The following SNAP91 variants were observed in gnomAD, a reference collection of about 807,000 sequenced individuals.
SNAP91 encodes clathrin coat assembly protein AP180.
A neutral mutation model predicts 100.3 loss-of-function variants in SNAP91; 27 were observed. That is an observed-to-expected ratio of 0.27 (90% CI 0.20 to 0.37). The LOEUF is 0.37. SNAP91 is among the 10% of genes least tolerant of loss of function. The pLI is 1.00. For missense variants in SNAP91, 986 were observed against 1,123.7 expected, an observed-to-expected ratio of 0.88 and a Z score of 1.75; for synonymous variants, 404 against 398.6, an observed-to-expected ratio of 1.01 and a Z score of -0.16.
intron 26 of SNAP91, among the ~76,000 whole-genome samples, chr6:83,573,692 G>C (rs1192246526): frequency 1.3e-5 from 2 of 152,144 alleles, no homozygotes; most frequent in Admixed American, 6.5e-5. Flanking sequence ...ACAAAAACAA[G>C]AAATGGGGAA....
intron 7 of SNAP91, among the ~76,000 whole-genome samples, chr6:83,646,945 C>G (rs2097943452): frequency 6.6e-6 from 1 of 152,122 alleles, no homozygotes; most frequent in Non-Finnish European, 1.5e-5. Context: ...TTAGGGAGTG[C>G]TGATGTTAAT....
chr6:83,555,354 T>C (rs1005525210), intron 29 of SNAP91, among the ~76,000 whole-genome samples: 5 of 152,206 alleles, frequency 3.3e-5, no homozygotes, highest in African/African-American at 9.6e-5. Context: ...ACTGAGCCTC[T>C]TACAATTCTT....
At chr6:83,670,361 T>C (rs577312959) in intron 2 of SNAP91, among the ~76,000 whole-genome samples, 4 of 151,956 alleles carry the variant, frequency 2.6e-5, no homozygotes, top group Admixed American at 2.6e-4. Context: ...TTTTCATTTG[T>C]TTATTTGCCA....
At chr6:83,637,949 A>G (rs1415189798) in intron 8 of SNAP91, among the ~76,000 whole-genome samples, 1 of 152,130 alleles carries the variant, frequency 6.6e-6, no homozygotes, top group African/African-American at 2.4e-5. Context: ...GACTGCTTCC[A>G]GGCCACCAGC....
intron 26 of SNAP91, among the ~76,000 whole-genome samples, chr6:83,571,850 G>A (rs1808378689): frequency 1.3e-5 from 2 of 152,300 alleles, no homozygotes; most frequent in African/African-American, 4.8e-5. Context: ...GTTGTGGGAA[G>A]GATGCAATGG....
chr6:83,670,514 A>G (rs1241704937), intron 2 of SNAP91, among the ~76,000 whole-genome samples: 1 of 151,794 alleles, frequency 6.6e-6, no homozygotes, highest in Non-Finnish European at 1.5e-5. Flanking sequence ...AGTGTCTTTG[A>G]AAGAACAGAA....
intron 8 of SNAP91, among the ~76,000 whole-genome samples, chr6:83,626,910 A>C (rs879638996): frequency 3.9e-5 from 6 of 151,970 alleles, no homozygotes; most frequent in Non-Finnish European, 7.4e-5. Flanking sequence ...TAGTGGTGAA[A>C]GTGGGCATCA....
At chr6:83,702,629 A>G (rs1186896817) in intron 2 of SNAP91, among the ~76,000 whole-genome samples, 1 of 152,134 alleles carries the variant, frequency 6.6e-6, no homozygotes, top group Non-Finnish European at 1.5e-5. Context: ...TTAAATCACT[A>G]AAACAACTTT....
intron 5 of SNAP91, among the ~76,000 whole-genome samples, chr6:83,659,782 A>G (rs1366607861): frequency 2.0e-5 from 3 of 152,064 alleles, no homozygotes; most frequent in African/African-American, 4.8e-5. Context: ...TTTTTGAGAA[A>G]GAGAAAACAT....
At chr6:83,699,544 G>T (rs1483351908) in intron 2 of SNAP91, among the ~76,000 whole-genome samples, 1 of 152,106 alleles carries the variant, frequency 6.6e-6, no homozygotes, top group Admixed American at 6.5e-5. Flanking sequence ...TTATACGGAT[G>T]TAATAAAGTC....
chr6:83,593,742 C>T lies in SNAP91; in HGVS notation c.1433-1G>A. 6.4e-7 allele frequency: 1 copy of T among 1,554,766 alleles called. No individual in the cohort carries two copies. The highest frequency in any genetic ancestry group is 8.7e-7 in the Non-Finnish European group (1 of 1,149,174). ...CTACCTTCAGACGGGGCAAAGGGGT[C>T]TTTTGGAAAGGAAAGTGGAGACACA... On this transcript the variant is annotated splice_acceptor_variant, in intron 17 of 29. Coordinates refer to ENST00000369694, the MANE Select transcript of SNAP91 (RefSeq NM_001242792.2). LOFTEE classifies it high-confidence loss of function.
intron 7 of SNAP91, among the ~76,000 whole-genome samples, chr6:83,643,033 T>G (rs1179142853): frequency 6.6e-6 from 1 of 151,522 alleles, no homozygotes; most frequent in Non-Finnish European, 1.5e-5. Context: ...TTTTTGATGG[T>G]GTTTTTGTTT....
intron 6 of SNAP91, 56 bp from the exon 7 acceptor site, chr6:83,656,921 T>C: frequency 1.4e-6 from 1 of 735,184 alleles, no homozygotes; most frequent in Non-Finnish European, 2.2e-6. Flanking sequence ...TTAATTTTTC[T>C]TGAATCACAT....
chr6:83,593,413 C>A, intron 18 of SNAP91, 65 bp downstream of exon 18: 1 of 1,535,300 alleles, frequency 6.5e-7, no homozygotes, highest in Non-Finnish European at 8.8e-7. Context: ...TCATGCAGTA[C>A]ATCTCAAGGA....
At chr6:83,694,680 T>C (rs1207841059) in intron 2 of SNAP91, among the ~76,000 whole-genome samples, 3 of 152,154 alleles carry the variant, frequency 2.0e-5, no homozygotes, top group African/African-American at 7.2e-5. Context: ...AAGAATGGAA[T>C]AGGTACTTCA....
rs572998141 is a variant in SNAP91, at chr6:83,625,171, T to C, written c.766-1829A>G. Among the ~76,000 whole-genome samples the C allele has an allele frequency of 1.6e-3, 240 of 152,230 alleles. 1 individual carries two copies. The highest frequency in any genetic ancestry group is 5.5e-3 in the African/African-American group (230 of 41,570). On this transcript the variant is annotated intron_variant, in intron 8 of 29. Transcript: ENST00000369694. ...TTTTCTGTTTCTGCATTAGTTCACT[T>C]ACGATAATGGCCCCCAGCTACATTC...
intron 26 of SNAP91, among the ~76,000 whole-genome samples, chr6:83,564,365 T>A (rs1333123116): frequency 6.7e-6 from 1 of 150,186 alleles, no homozygotes; most frequent in Admixed American, 6.7e-5. Context: ...ATATACAGGA[T>A]CTTGCTCTGT....
intron 21 of SNAP91, among the ~76,000 whole-genome samples, chr6:83,591,993 A>T (rs1053125408): frequency 2.0e-5 from 3 of 152,252 alleles, no homozygotes; most frequent in African/African-American, 7.2e-5. Flanking sequence ...GCAAAACATT[A>T]TAAATAAACC....
chr6:83,594,577 T>C (rs2094241471), intron 16 of SNAP91, 96 bp from the exon 17 acceptor site: 2 of 722,346 alleles, frequency 2.8e-6, no homozygotes, highest in South Asian at 2.2e-5. Context: ...AAGGCTCCCT[T>C]ATACAACATG....
Sources: gnomAD v4.1 joint callset for allele counts (sites outside exome capture counted in the v4.1 genomes callset) on GRCh38, gnomAD v4.1.1 for gene constraint, MANE v1.5 for transcripts, NCBI Gene and HGNC (gene_info 2026-07-23, HGNC 2026-07-21) for gene names.